The following AGBL1 variants were observed in gnomAD, a reference collection of about 807,000 sequenced individuals.
AGBL1 encodes AGBL carboxypeptidase 1, also known as cytosolic carboxypeptidase 4.
AGBL1 carries 130 observed loss-of-function variants against 118.9 expected under a neutral mutation model. That is an observed-to-expected ratio of 1.09 (90% CI 0.95 to 1.26). The LOEUF is 1.26. Ranked by LOEUF, AGBL1 falls within the 50% of genes most tolerant of loss-of-function variation. The pLI is 0.00. For synonymous variants in AGBL1, 555 were observed against 478.9 expected (o/e 1.16, Z -2.08); for missense variants, 1,584 against 1,298.1 (o/e 1.22, Z -3.38).
chr15:86,683,354 G>A (rs964025002), intron 22 of AGBL1, among the ~76,000 whole-genome samples: 16 of 152,088 alleles, frequency 1.1e-4, no homozygotes, highest in African/African-American at 3.6e-4. Flanking sequence ...TAGGTTGAAT[G>A]TGTTGTAACC....
intron 24 of AGBL1, among the ~76,000 whole-genome samples, chr15:86,999,454 G>C (rs2081413092): frequency 6.8e-6 from 1 of 146,934 alleles, no homozygotes; most frequent in African/African-American, 2.7e-5. Flanking sequence ...TCCCACCTAT[G>C]AGTGAGAATA....
chr15:86,108,734 G>T (rs564399156), intron 1 of AGBL1, among the ~76,000 whole-genome samples: 4 of 152,130 alleles, frequency 2.6e-5, no homozygotes, highest in Non-Finnish European at 5.9e-5. Flanking sequence ...CGAGACGGGC[G>T]GATCACGAGG....
chr15:86,958,897 A>G (rs1293827146), intron 23 of AGBL1, among the ~76,000 whole-genome samples: 1 of 152,190 alleles, frequency 6.6e-6, no homozygotes, highest in Non-Finnish European at 1.5e-5. Context: ...ATAAGCCTCA[A>G]AAATATAATA....
At chr15:86,548,895 C>T (rs542741398) in intron 20 of AGBL1, among the ~76,000 whole-genome samples, 1 of 151,980 alleles carries the variant, frequency 6.6e-6, no homozygotes, top group Non-Finnish European at 1.5e-5. Context: ...TCTGGGGAGG[C>T]CTCAGAAAGC....
At chr15:86,921,098 C>T (rs1200356807), downstream of AGBL1, among the ~76,000 whole-genome samples, 5 of 152,148 alleles carry the variant, frequency 3.3e-5, no homozygotes, top group Non-Finnish European at 5.9e-5. Flanking sequence ...GCAAAGTCAT[C>T]AATAAATACG....
intron 18 of AGBL1, among the ~76,000 whole-genome samples, chr15:86,508,614 T>G (rs925175012): frequency 1.5e-4 from 23 of 152,220 alleles, no homozygotes; most frequent in African/African-American, 5.5e-4. Flanking sequence ...TATTTTTATT[T>G]TATTGTTATG....
chr15:86,339,075 A>G (rs1269378593), intron 17 of AGBL1, among the ~76,000 whole-genome samples: 3 of 152,174 alleles, frequency 2.0e-5, no homozygotes, highest in Non-Finnish European at 1.5e-5. Context: ...TATGGTAGAT[A>G]ATACATTGCT....
At chr15:86,833,559 T>G (rs1374856081) in intron 22 of AGBL1, among the ~76,000 whole-genome samples, 1 of 152,144 alleles carries the variant, frequency 6.6e-6, no homozygotes, top group Admixed American at 6.5e-5. Flanking sequence ...CATATGGAAC[T>G]GTAGGTCCAA....
chr15:86,354,599 A>G (rs911054374), intron 17 of AGBL1, among the ~76,000 whole-genome samples: 6 of 152,242 alleles, frequency 3.9e-5, no homozygotes, highest in African/African-American at 9.6e-5. Flanking sequence ...GATCTGCATA[A>G]TCAGCCAATA....
chr15:86,755,784 C>A (rs993065756), intron 22 of AGBL1, among the ~76,000 whole-genome samples: 1 of 152,066 alleles, frequency 6.6e-6, no homozygotes, highest in African/African-American at 2.4e-5. Context: ...ACAAGGCAGC[C>A]TTGCACTATT....
intron 18 of AGBL1, among the ~76,000 whole-genome samples, chr15:86,445,397 G>T (rs987728796): frequency 6.6e-6 from 1 of 152,246 alleles, no homozygotes; most frequent in Admixed American, 6.5e-5. Context: ...CAAAGCAGGA[G>T]CAGCCCTCAG....
chr15:86,158,327 T>C (rs2077220426), intron 4 of AGBL1, among the ~76,000 whole-genome samples: 2 of 152,222 alleles, frequency 1.3e-5, no homozygotes, highest in African/African-American at 2.4e-5. Flanking sequence ...CTCTCTTTGC[T>C]TCTCTAAGAC....
At chr15:86,550,883 A>G (rs2083655174) in intron 20 of AGBL1, among the ~76,000 whole-genome samples, 1 of 152,010 alleles carries the variant, frequency 6.6e-6, no homozygotes, top group Non-Finnish European at 1.5e-5. Flanking sequence ...TGCACAGAAT[A>G]TTCACCTACT....
intron 22 of AGBL1, among the ~76,000 whole-genome samples, chr15:86,823,272 T>C (rs2078966221): frequency 6.6e-6 from 1 of 152,060 alleles, no homozygotes. Flanking sequence ...AGAGAAAGGG[T>C]GGGACATACG....
rs114381241 is a variant in AGBL1, at chr15:86,603,598, G to T, written c.2994+49061G>T. On this transcript the variant is annotated intron_variant, in intron 21 of 22. Coordinates refer to ENST00000614907, the MANE Select transcript of AGBL1 (RefSeq NM_001386094.1). Reference sequence around the variant, plus strand: ...AGCTGGCACACTACCTACCAGAAAAGAAATCTTTGTTTTCAGACAGAAGTA... The same window carrying T: ...AGCTGGCACACTACCTACCAGAAAATAAATCTTTGTTTTCAGACAGAAGTA... Among the ~76,000 whole-genome samples the T allele has an allele frequency of 6.2e-3, 942 of 152,196 alleles. 13 individuals carry two copies. Among genetic ancestry groups the T allele is most frequent in the African/African-American group, 0.022 (899 of 41,524 alleles).
intron 17 of AGBL1, among the ~76,000 whole-genome samples, chr15:86,371,471 T>C (rs2080969557): frequency 2.0e-5 from 3 of 152,144 alleles, no homozygotes; most frequent in African/African-American, 4.8e-5. Flanking sequence ...ATATCATATG[T>C]TTTTATTATA....
At chr15:86,375,679 A>G (rs914670559) in intron 17 of AGBL1, among the ~76,000 whole-genome samples, 2 of 152,210 alleles carry the variant, frequency 1.3e-5, no homozygotes, top group Admixed American at 1.3e-4. Flanking sequence ...CACATGAGCA[A>G]GTACATGCAG....
chr15:86,732,427 T>G (rs1414507651), intron 22 of AGBL1, among the ~76,000 whole-genome samples: 1 of 152,222 alleles, frequency 6.6e-6, no homozygotes, highest in East Asian at 1.9e-4. Context: ...ATGCCTTTTT[T>G]TCTCATCCTT....
intron 16 of AGBL1, among the ~76,000 whole-genome samples, chr15:86,289,772 A>G (rs1456496847): frequency 6.6e-6 from 1 of 152,108 alleles, no homozygotes; most frequent in Non-Finnish European, 1.5e-5. Context: ...CTTTGTCATT[A>G]CCCTGCACCC....
Sources: allele counts gnomAD v4.1 joint callset (sites outside exome capture counted in the v4.1 genomes callset), GRCh38; gene constraint gnomAD v4.1.1; transcripts MANE v1.5; gene names NCBI Gene and HGNC (gene_info 2026-07-23, HGNC 2026-07-21).